The following TOMM70 variants were observed in gnomAD, a reference collection of about 807,000 sequenced individuals.
TOMM70 encodes the protein translocase of outer mitochondrial membrane 70, also known as mitochondrial import receptor subunit TOM70.
Under a neutral mutation model 73.6 loss-of-function variants are expected in TOMM70, and 13 were observed. The observed-to-expected ratio is 0.18, with a 90% CI of 0.11 to 0.28. TOMM70 has a LOEUF of 0.28. Among genes scored for constraint, TOMM70 ranks in the 10% least tolerant of loss-of-function variants. The pLI, the probability that TOMM70 is intolerant of heterozygous loss-of-function variation, is 1.00. For missense variants in TOMM70, 609 were observed against 747.5 expected, an observed-to-expected ratio of 0.81 and a Z score of 2.16; for synonymous variants, 257 against 271.2, an observed-to-expected ratio of 0.95 and a Z score of 0.51.
chr3:100,383,543 G>C (rs1410227155), intron 4 of TOMM70, among the ~76,000 whole-genome samples: 1 of 150,448 alleles, frequency 6.6e-6, no homozygotes, highest in Non-Finnish European at 1.5e-5. Flanking sequence ...AAAACAGAGA[G>C]AGAGACTGGG....
At chr3:100,381,069 C>T (rs57332305) in intron 5 of TOMM70, among the ~76,000 whole-genome samples, 16,124 of 151,978 alleles carry the variant, frequency 0.11, 1,248 homozygotes, top group African/African-American at 0.21. Context: ...ATGGTTTATA[C>T]GACATTATAT....
At position 100,376,369 on chromosome 3, in the gene TOMM70, G is replaced by GTTTTTTTTTTTTTTTT. The variant is rs141227349; in HGVS notation, c.1093-1218_1093-1217insAAAAAAAAAAAAAAAA. Among the ~76,000 whole-genome samples the GTTTTTTTTTTTTTTTT allele has an allele frequency of 1.6e-4, 19 of 121,762 alleles. 1 individual carries two copies. Among genetic ancestry groups the GTTTTTTTTTTTTTTTT allele is most frequent in the African/African-American group, 5.2e-4 (14 of 27,054 alleles). 79.9% of individuals were successfully genotyped at this position (121,762 alleles called of 152,430 possible). A position where few individuals can be genotyped will look rare whatever the true frequency, so the allele number is the denominator to read the frequency against. On this transcript the variant is annotated intron_variant, in intron 6 of 11. Coordinates refer to ENST00000284320, the MANE Select transcript of TOMM70 (RefSeq NM_014820.5). ...CTTGATGGTGTCTTTTCACACAGAA[G>GTTTTTTTTTTTTTTTT]TTTTTTTTTTTTTTTGAGACAGGAT...
intron 6 of TOMM70, among the ~76,000 whole-genome samples, chr3:100,375,816 G>A (rs894671116): frequency 6.6e-6 from 1 of 152,114 alleles, no homozygotes; most frequent in Non-Finnish European, 1.5e-5. Flanking sequence ...TTACAGGTGT[G>A]AGCCTCCACA....
chr3:100,370,185 G>C (rs1706493709), intron 9 of TOMM70, among the ~76,000 whole-genome samples: 1 of 152,076 alleles, frequency 6.6e-6, no homozygotes, highest in Non-Finnish European at 1.5e-5. Flanking sequence ...TATTTTTATA[G>C]CTTCCATCAT....
chr3:100,389,424 A>T (rs565251514), intron 1 of TOMM70, among the ~76,000 whole-genome samples: 7 of 152,364 alleles, frequency 4.6e-5, no homozygotes, highest in African/African-American at 1.7e-4. Context: ...ATTGCTAAAC[A>T]TGTAAATAGT....
chr3:100,371,749 G>T (rs989502654), intron 9 of TOMM70, among the ~76,000 whole-genome samples: 1 of 152,168 alleles, frequency 6.6e-6, no homozygotes, highest in Non-Finnish European at 1.5e-5. Flanking sequence ...TTGCATGGAT[G>T]GGGGTAGGAG....
At chr3:100,399,598 C>T (rs868850747) in intron 1 of TOMM70, among the ~76,000 whole-genome samples, 1 of 152,182 alleles carries the variant, frequency 6.6e-6, no homozygotes, top group Admixed American at 6.5e-5. Context: ...AAGCAGTTCA[C>T]TAAATAATCC....
chr3:100,387,338 C>T (rs1706702681), intron 1 of TOMM70, among the ~76,000 whole-genome samples: 1 of 151,942 alleles, frequency 6.6e-6, no homozygotes, highest in African/African-American at 2.4e-5. Flanking sequence ...TCCCGACTAC[C>T]CGGGTGGCTG....
intron 6 of TOMM70, among the ~76,000 whole-genome samples, chr3:100,375,947 C>T (rs999769144): frequency 1.3e-5 from 2 of 152,082 alleles, no homozygotes; most frequent in African/African-American, 4.8e-5. Context: ...AACTAATTTC[C>T]AAAAGGGCTT....
chr3:100,377,482 A>G lies in TOMM70; in HGVS notation c.1092+223T>C. On this transcript the variant is annotated intron_variant, in intron 6 of 11. Transcript: ENST00000284320. ...GGAGACGATGAAACTACCGGATGCT[A>G]TAGGAAAAAAAAATTTCCTTTCCTA... The G allele has an allele frequency of 1.4e-5, 7 of 499,512 alleles. No individual in the cohort carries two copies. In the South Asian group the frequency reaches 1.6e-4, roughly 12 times the overall value. 30.9% of individuals were successfully genotyped at this position (499,512 alleles called of 1,614,324 possible).
intron 8 of TOMM70, 29 bp from the exon 9 acceptor site, chr3:100,372,751 A>C (rs373139078): frequency 4.2e-5 from 65 of 1,559,444 alleles, no homozygotes; most frequent in Non-Finnish European, 5.2e-5. Flanking sequence ...GGCCTGTCAA[A>C]TCAAGAACTC....
intron 9 of TOMM70, among the ~76,000 whole-genome samples, chr3:100,370,162 T>C (rs147973297): frequency 6.6e-6 from 1 of 152,210 alleles, no homozygotes; most frequent in African/African-American, 2.4e-5. Flanking sequence ...CAGAAAGATA[T>C]AGAAAGTAGA....
At chr3:100,396,767 T>A (rs1432440830) in intron 1 of TOMM70, among the ~76,000 whole-genome samples, 2 of 152,208 alleles carry the variant, frequency 1.3e-5, no homozygotes, top group African/African-American at 4.8e-5. Context: ...AGCACCTCAG[T>A]CTTAGACACT....
chr3:100,387,007 A>G, intron 1 of TOMM70, 29 bp from the exon 2 acceptor site: 1 of 1,605,440 alleles, frequency 6.2e-7, no homozygotes, highest in Non-Finnish European at 8.5e-7. Flanking sequence ...ATTATCAAAC[A>G]CTAATCAACA....
intron 9 of TOMM70, among the ~76,000 whole-genome samples, 187 bp from the exon 10 acceptor site, chr3:100,369,322 T>C (rs567075015): frequency 6.6e-6 from 1 of 152,356 alleles, no homozygotes; most frequent in Non-Finnish European, 1.5e-5. Flanking sequence ...GCTATAAATA[T>C]GAAATCTTAA....
chr3:100,383,994 C>G (rs1057157582), intron 4 of TOMM70, among the ~76,000 whole-genome samples: 4 of 152,156 alleles, frequency 2.6e-5, no homozygotes, highest in Admixed American at 2.0e-4. Flanking sequence ...ATTAAACTAC[C>G]TGTTAATAAT....
At chr3:100,375,760 G>A (rs1032514229) in intron 6 of TOMM70, among the ~76,000 whole-genome samples, 5 of 152,180 alleles carry the variant, frequency 3.3e-5, no homozygotes, top group Non-Finnish European at 7.4e-5. Context: ...ATTTTGCTAC[G>A]TTACCCAGGG....
chr3:100,379,333 G>T (rs959633952), intron 5 of TOMM70, among the ~76,000 whole-genome samples: 1 of 152,142 alleles, frequency 6.6e-6, no homozygotes, highest in Non-Finnish European at 1.5e-5. Context: ...TGACTTAAAA[G>T]TTACGTCAGG....
chr3:100,380,740 C>A (rs545413875), intron 5 of TOMM70, among the ~76,000 whole-genome samples: 13 of 152,186 alleles, frequency 8.5e-5, no homozygotes, highest in Non-Finnish European at 1.5e-4. Flanking sequence ...CAACTACAAT[C>A]TTCTCAAAGA....
Sources: allele counts gnomAD v4.1 joint callset (sites outside exome capture counted in the v4.1 genomes callset), GRCh38; gene constraint gnomAD v4.1.1; transcripts MANE v1.5; gene names NCBI Gene and HGNC (gene_info 2026-07-23, HGNC 2026-07-21).